The following CYTH3 variants were observed in gnomAD, a reference collection of about 807,000 sequenced individuals.
The protein encoded by CYTH3 is cytohesin-3.
CYTH3 carries 23 observed loss-of-function variants against 55.1 expected under a neutral mutation model. The observed-to-expected ratio is 0.42, with a 90% CI of 0.30 to 0.59. CYTH3 has a LOEUF of 0.59. Ranked by LOEUF, CYTH3 falls within the 20% of genes least tolerant of loss-of-function variation. CYTH3 has a pLI of 0.20. For synonymous variants in CYTH3, 249 were observed against 194.9 expected (o/e 1.28, Z -2.31); for missense variants, 413 against 524.8 (o/e 0.79, Z 2.08).
chr7:6,191,572 A>G (rs1046039712), intron 1 of CYTH3, among the ~76,000 whole-genome samples: 2 of 147,770 alleles, frequency 1.4e-5, no homozygotes, highest in African/African-American at 5.0e-5. Flanking sequence ...TTTTTTTATA[A>G]TTTCAGGGTA....
rs753988416 is a variant in CYTH3, at chr7:6,163,012, A to C, written c.*1932T>G. ...ATGGAAGACTGGAGGCCAGAGTTGC[A>C]TATCTACCAGTCAGGCATTTCAAGA... On this transcript the variant is annotated 3_prime_UTR_variant, in exon 13 of 13. Coordinates refer to ENST00000350796, the MANE Select transcript of CYTH3 (RefSeq NM_004227.4). 1 of 152,700 alleles carries C rather than the reference A, an allele frequency of 6.5e-6. No homozygotes were observed. Among genetic ancestry groups the C allele is most frequent in the African/African-American group, 2.4e-5 (1 of 41,476 alleles). 9.5% of individuals were successfully genotyped at this position (152,700 alleles called of 1,614,324 possible). A position where few individuals can be genotyped will look rare whatever the true frequency, so the allele number is the denominator to read the frequency against.
intron 1 of CYTH3, among the ~76,000 whole-genome samples, chr7:6,223,335 G>A (rs1284723455): frequency 2.0e-5 from 3 of 152,224 alleles, no homozygotes; most frequent in Admixed American, 6.5e-5. Context: ...CAGCTCTGAA[G>A]AGACAGTGAC....
chr7:6,174,925 C>T (rs1050720147), intron 5 of CYTH3, among the ~76,000 whole-genome samples: 2 of 152,234 alleles, frequency 1.3e-5, no homozygotes, highest in Admixed American at 6.5e-5. Context: ...ACTTGTGTAA[C>T]GTCTATTCAG....
chr7:6,197,610 GA>G (rs1783964638), intron 1 of CYTH3, among the ~76,000 whole-genome samples: 1 of 152,168 alleles, frequency 6.6e-6, no homozygotes, highest in South Asian at 2.1e-4. Flanking sequence ...TTGAACCCAA[GA>G]GGGGGAGATT....
In CYTH3 at chr7:6,167,192, T is replaced by C. The variant is rs1783034446; in HGVS notation, c.824-1382A>G. Among the ~76,000 whole-genome samples, 2 of 152,256 alleles carry C rather than the reference T, an allele frequency of 1.3e-5. No individual in the cohort carries two copies. The highest frequency in any genetic ancestry group is 6.5e-5 in the Admixed American group (1 of 15,290). On this transcript the variant is annotated intron_variant, in intron 9 of 12. Coordinates refer to ENST00000350796, the MANE Select transcript of CYTH3 (RefSeq NM_004227.4). This position sits in a 1 kb window ranked among gnomAD's most constrained non-coding sequence, Gnocchi z 5.5. ...TGTCCCTGTCTCACCGCGGGCTCCA[T>C]GCTCTCTGCAAGCCCTTGGCCTTCA...
intron 1 of CYTH3, among the ~76,000 whole-genome samples, chr7:6,217,189 C>G (rs935026343): frequency 6.6e-6 from 1 of 152,110 alleles, no homozygotes; most frequent in African/African-American, 2.4e-5. Flanking sequence ...GCCAAGATTA[C>G]GGGCATGAAC....
At chr7:6,272,410 G>GGGGGGGGGGCCC in intron 1 of CYTH3, 64 bp downstream of exon 1, 6 of 1,216,616 alleles carry the variant, frequency 4.9e-6, no homozygotes, top group Non-Finnish European at 6.3e-6. Context: ...CCGCGCCCTC[G>GGGGGGGGGGCCC]ACCCCCAGCC....
intron 1 of CYTH3, among the ~76,000 whole-genome samples, chr7:6,214,229 G>T (rs55763397): frequency 1.3e-5 from 2 of 152,178 alleles, no homozygotes; most frequent in Admixed American, 1.3e-4. Context: ...GTGGAGCCTA[G>T]GTGGGGGGTT....
At chr7:6,272,391 G>C (rs1485903287) in intron 1 of CYTH3, 83 bp downstream of exon 1, 3 of 1,190,920 alleles carry the variant, frequency 2.5e-6, no homozygotes, top group Non-Finnish European at 3.2e-6. Flanking sequence ...GGCGAACCCC[G>C]GCCCAGCGCC....
At chr7:6,190,427 G>GTTTTTTT in intron 2 of CYTH3, 22 bp downstream of exon 2, 4 of 1,247,504 alleles carry the variant, frequency 3.2e-6, no homozygotes, top group East Asian at 3.2e-5. Context: ...TTGGATTTTT[G>GTTTTTTT]GTTTTTTTTT....
intron 4 of CYTH3, among the ~76,000 whole-genome samples, chr7:6,183,185 C>T (rs1208945522): frequency 2.6e-5 from 4 of 152,216 alleles, no homozygotes; most frequent in South Asian, 4.1e-4. Context: ...TGACCAGTCT[C>T]GACGTCCCTC....
At chr7:6,178,692 A>T (rs1227122320) in intron 4 of CYTH3, among the ~76,000 whole-genome samples, 1 of 152,200 alleles carries the variant, frequency 6.6e-6, no homozygotes, top group Non-Finnish European at 1.5e-5. Context: ...TGTGTAAGAT[A>T]CATTTTGTTG....
intron 1 of CYTH3, among the ~76,000 whole-genome samples, chr7:6,228,662 C>T (rs1779309610): frequency 6.6e-6 from 1 of 152,214 alleles, no homozygotes. Flanking sequence ...TCTGGAAATC[C>T]GGGCTGCCTC....
At chr7:6,269,721 T>G (rs564986058) in intron 1 of CYTH3, among the ~76,000 whole-genome samples, 2 of 152,340 alleles carry the variant, frequency 1.3e-5, no homozygotes, top group Non-Finnish European at 2.9e-5. Flanking sequence ...CACTCGCTCC[T>G]CTTGTAACTG....
intron 1 of CYTH3, among the ~76,000 whole-genome samples, chr7:6,221,579 G>T (rs983286462): frequency 6.6e-6 from 1 of 152,150 alleles, no homozygotes; most frequent in South Asian, 2.1e-4. Flanking sequence ...TCCTGATTTT[G>T]ATACTGTATT....
chr7:6,201,131 G>C (rs1162643772), intron 1 of CYTH3, among the ~76,000 whole-genome samples: 1 of 152,198 alleles, frequency 6.6e-6, no homozygotes, highest in Non-Finnish European at 1.5e-5. Context: ...AAAAGGGCAG[G>C]CTCTGAGCTG....
chr7:6,242,825 C>T (rs957765134), intron 1 of CYTH3, among the ~76,000 whole-genome samples: 3 of 152,126 alleles, frequency 2.0e-5, no homozygotes, highest in South Asian at 2.1e-4. Context: ...CTCCCATACT[C>T]CTCCCAGACC....
At chr7:6,230,873 A>G (rs2128553545) in intron 1 of CYTH3, among the ~76,000 whole-genome samples, 1 of 152,286 alleles carries the variant, frequency 6.6e-6, no homozygotes, top group Middle Eastern at 3.4e-3. Context: ...CTTCTTTGTA[A>G]TTTTCTATAA....
chr7:6,193,852 C>T (rs1452027118), intron 1 of CYTH3, among the ~76,000 whole-genome samples: 1 of 152,138 alleles, frequency 6.6e-6, no homozygotes, highest in African/African-American at 2.4e-5. Context: ...GAGATAAAAG[C>T]AAACATACTC....
Sources: allele counts gnomAD v4.1 joint callset (sites outside exome capture counted in the v4.1 genomes callset), GRCh38; gene constraint gnomAD v4.1.1; non-coding constraint Gnocchi (gnomAD v3.1); transcripts MANE v1.5; gene names NCBI Gene and HGNC (gene_info 2026-07-23, HGNC 2026-07-21).